SCFD2: variants seen among roughly 807,000 people sequenced by gnomAD.
SCFD2 encodes the protein sec1 family domain-containing protein 2.
Under a neutral mutation model 58.9 loss-of-function variants are expected in SCFD2, and 54 were observed. That is an observed-to-expected ratio of 0.92 (90% CI 0.74 to 1.15). The LOEUF is 1.15. Ranked by LOEUF, SCFD2 falls within the 50% of genes most tolerant of loss-of-function variation. The pLI is 0.00. For missense variants in SCFD2, 805 were observed against 836.6 expected (o/e 0.96, Z 0.47); for synonymous variants, 321 against 335.9 (o/e 0.96, Z 0.49).
At chr4:53,028,865 G>A (rs959434047) in intron 5 of SCFD2, among the ~76,000 whole-genome samples, 5 of 152,208 alleles carry the variant, frequency 3.3e-5, no homozygotes, top group African/African-American at 1.2e-4. Flanking sequence ...ACTTTTGAAG[G>A]TTAAGTAGGA....
chr4:53,319,878 G>A (rs935596393), intron 2 of SCFD2, among the ~76,000 whole-genome samples: 7 of 152,090 alleles, frequency 4.6e-5, no homozygotes, highest in Non-Finnish European at 1.0e-4. Context: ...AAAATGAAAC[G>A]AGTTGCCTAA....
chr4:53,068,798 C>A (rs1031833405), intron 5 of SCFD2, among the ~76,000 whole-genome samples: 13 of 152,028 alleles, frequency 8.6e-5, no homozygotes, highest in Non-Finnish European at 4.4e-5. Context: ...TTCCCCAATT[C>A]ATTCTTTTAC....
intron 5 of SCFD2, among the ~76,000 whole-genome samples, chr4:53,044,916 C>CCCGGCCA (rs1723001850): frequency 9.1e-6 from 1 of 110,288 alleles, no homozygotes; most frequent in Non-Finnish European, 1.7e-5. Flanking sequence ...ACCCCCCCCC[C>CCCGGCCA]CCGCCCACAA....
intron 3 of SCFD2, among the ~76,000 whole-genome samples, chr4:53,303,765 T>C (rs1333286948): frequency 1.3e-5 from 2 of 151,790 alleles, no homozygotes; most frequent in Non-Finnish European, 2.9e-5. Context: ...TGGAATACTA[T>C]GCAGCCATAA....
At chr4:53,187,726 T>C (rs1228164030) in intron 4 of SCFD2, among the ~76,000 whole-genome samples, 2 of 152,046 alleles carry the variant, frequency 1.3e-5, no homozygotes, top group Non-Finnish European at 2.9e-5. Context: ...TAGGTATGAG[T>C]GTGTGTATAT....
intron 4 of SCFD2, among the ~76,000 whole-genome samples, chr4:53,241,803 G>A (rs1000746807): frequency 4.6e-5 from 7 of 152,164 alleles, no homozygotes; most frequent in African/African-American, 1.7e-4. Context: ...AGTGGGTACT[G>A]AGCTTACCAG....
chr4:53,015,772 A>C (rs1363495619), intron 5 of SCFD2, among the ~76,000 whole-genome samples: 1 of 152,178 alleles, frequency 6.6e-6, no homozygotes, highest in Non-Finnish European at 1.5e-5. Flanking sequence ...CAAATTGATA[A>C]ACGGTCTTCT....
In SCFD2 at chr4:52,887,302, A is replaced by G. The variant is rs141426168; in HGVS notation, c.1843-1436T>C. On this transcript the variant is annotated intron_variant, in intron 7 of 8. Transcript: ENST00000401642. The stretch of plus-strand genomic sequence containing the variant: ...TGAGGGTCCATGTTGCATGGAACCT[A>G]CACTAGATGCTGTGGAGAATTCCTC... Among the ~76,000 whole-genome samples, 451 of 152,316 alleles carry G rather than the reference A, an allele frequency of 3.0e-3. 3 individuals are homozygous for G. Among genetic ancestry groups the G allele is most frequent in the African/African-American group, 0.01 (434 of 41,578 alleles).
At chr4:53,359,023 GT>G (rs1374820032) in intron 1 of SCFD2, among the ~76,000 whole-genome samples, 1 of 152,048 alleles carries the variant, frequency 6.6e-6, no homozygotes, top group Non-Finnish European at 1.5e-5. Context: ...GTTTACCACT[GT>G]TTCGCTATTA....
intron 5 of SCFD2, among the ~76,000 whole-genome samples, chr4:53,015,593 A>G (rs1260302173): frequency 6.6e-6 from 1 of 152,140 alleles, no homozygotes; most frequent in Non-Finnish European, 1.5e-5. Context: ...GTCTTCCATC[A>G]CTATTAGAAA....
At chr4:53,080,369 T>C (rs1262860801) in intron 5 of SCFD2, among the ~76,000 whole-genome samples, 2 of 152,332 alleles carry the variant, frequency 1.3e-5, no homozygotes, top group East Asian at 3.9e-4. Flanking sequence ...TTAACTTTGT[T>C]GTTTTATAGG....
intron 4 of SCFD2, among the ~76,000 whole-genome samples, chr4:53,159,608 TAG>T (rs1355188373): frequency 6.6e-6 from 1 of 152,184 alleles, no homozygotes; most frequent in Non-Finnish European, 1.5e-5. Context: ...AGTGGCTCCT[TAG>T]AGTTCTCTGG....
chr4:52,984,138 A>C (rs1210216255), intron 5 of SCFD2, among the ~76,000 whole-genome samples: 2 of 152,242 alleles, frequency 1.3e-5, no homozygotes, highest in Non-Finnish European at 2.9e-5. Flanking sequence ...TGCCCCTGCC[A>C]GGTTCCCAAA....
In SCFD2 at chr4:52,920,721, T is replaced by C; in HGVS notation, c.1707+4A>G. 1 of 1,591,166 alleles carries C rather than the reference T, an allele frequency of 6.3e-7. No individual in the cohort carries two copies. Among genetic ancestry groups the C allele is most frequent in the Non-Finnish European group, 8.6e-7 (1 of 1,166,590 alleles). ...GAAGGTTACTTTAAAACGTATATAC[T>C]TGCCTGGTGGGTATGATTTCCAGGA... On this transcript the variant is annotated splice_donor_region_variant and intron_variant, in intron 6 of 8. Coordinates refer to ENST00000401642, the MANE Select transcript of SCFD2 (RefSeq NM_152540.4).
At chr4:52,916,527 T>C (rs1042223751) in intron 6 of SCFD2, among the ~76,000 whole-genome samples, 1 of 152,204 alleles carries the variant, frequency 6.6e-6, no homozygotes, top group Non-Finnish European at 1.5e-5. Context: ...TGAGCCGAGA[T>C]TGCGCCACTG....
intron 2 of SCFD2, among the ~76,000 whole-genome samples, chr4:53,334,741 T>TA (rs1274728171): frequency 6.6e-6 from 1 of 152,020 alleles, no homozygotes; most frequent in African/African-American, 2.4e-5. Flanking sequence ...CCCTAAAACT[T>TA]AAAGTATAAA....
intron 7 of SCFD2, among the ~76,000 whole-genome samples, chr4:52,889,940 G>C (rs1718843280): frequency 6.6e-6 from 1 of 152,194 alleles, no homozygotes; most frequent in African/African-American, 2.4e-5. Flanking sequence ...TGGCCTGTTT[G>C]TGCTTAGTAC....
chr4:53,247,881 A>T lies in SCFD2; in HGVS notation c.1311+25945T>A, dbSNP rs1183157100. 1.4e-3 allele frequency among the ~76,000 whole-genome samples: 216 copies of T among 151,228 alleles called. 3 individuals carry two copies. Among genetic ancestry groups the T allele is most frequent in the African/African-American group, 1.5e-3 (63 of 41,330 alleles). On this transcript the variant is annotated intron_variant, in intron 4 of 8. Coordinates refer to ENST00000401642, the MANE Select transcript of SCFD2 (RefSeq NM_152540.4). ...AGACTCCGTCTCAAAAAAAAAAAAA[A>T]AAAAAAAAAAAATAACAAGATCATG...
chr4:53,212,123 G>A (rs1290251573), intron 4 of SCFD2, among the ~76,000 whole-genome samples: 1 of 151,936 alleles, frequency 6.6e-6, no homozygotes, highest in African/African-American at 2.4e-5. Flanking sequence ...AATCACTCAG[G>A]CATGGCACCT....
Sources: allele counts gnomAD v4.1 joint callset (sites outside exome capture counted in the v4.1 genomes callset), GRCh38; gene constraint gnomAD v4.1.1; transcripts MANE v1.5; gene names NCBI Gene and HGNC (gene_info 2026-07-23, HGNC 2026-07-21).